The following CCDC85C variants were observed in gnomAD, a reference collection of about 807,000 sequenced individuals.
CCDC85C encodes the protein coiled-coil domain-containing protein 85C.
A neutral mutation model predicts 38.3 loss-of-function variants in CCDC85C; 18 were observed. That is an observed-to-expected ratio of 0.47 (90% CI 0.33 to 0.70). The LOEUF is 0.70. Among genes scored for constraint, CCDC85C ranks in the 30% least tolerant of loss-of-function variants. The probability of loss-of-function intolerance (pLI) is 0.03; values close to 1 mark genes in which losing one functional copy is unlikely to be tolerated. For synonymous variants in CCDC85C, 264 were observed against 293.8 expected (o/e 0.90, Z 1.04); for missense variants, 566 against 621.2 (o/e 0.91, Z 0.94).
chr14:99,574,171 T>C (rs1898420057), intron 1 of CCDC85C, among the ~76,000 whole-genome samples: 1 of 152,182 alleles, frequency 6.6e-6, no homozygotes, highest in Non-Finnish European at 1.5e-5. Flanking sequence ...GACCATGTGC[T>C]GCAAGCTGCC....
At chr14:99,542,514 C>G (rs931277338) in intron 1 of CCDC85C, among the ~76,000 whole-genome samples, 6 of 152,214 alleles carry the variant, frequency 3.9e-5, no homozygotes, top group African/African-American at 1.4e-4. Flanking sequence ...CAGGCCCCCC[C>G]AGTTTACAGA....
Position 99,509,979 on chromosome 14 carries a change from T to A in CCDC85C, c.*5267A>T. On this transcript the variant is annotated 3_prime_UTR_variant, in exon 6 of 6. Transcript: ENST00000380243. The stretch of plus-strand genomic sequence containing the variant: ...CAGGGTGGAGGGCCTTCTTGACAGA[T>A]GGTGGGGAGACATCTGGTGGCATCA... 1.6e-6 allele frequency: 1 copy of A among 643,210 alleles called. No individual in the cohort carries two copies. The allele number at this position is 643,210 out of a possible 1,614,324, so 39.8% of individuals were successfully genotyped here. A position where few individuals can be genotyped will look rare whatever the true frequency, so the allele number is the denominator to read the frequency against.
chr14:99,577,995 TGTGTGA>T, intron 1 of CCDC85C, among the ~76,000 whole-genome samples: 1 of 145,168 alleles, frequency 6.9e-6, no homozygotes. Flanking sequence ...TGTGTTTGTG[TGTGTGA>T]GTGTACACCT....
At position 99,535,400 on chromosome 14, in the gene CCDC85C, C is replaced by T. The variant is rs934692604; in HGVS notation, c.867+615G>A. On this transcript the variant is annotated intron_variant, in intron 2 of 5. Coordinates refer to ENST00000380243, the MANE Select transcript of CCDC85C (RefSeq NM_001144995.2). This position sits in a 1 kb window ranked among gnomAD's most constrained non-coding sequence, Gnocchi z 5.5. ...CATAGCCTCCTCTCGGCAGCCCCCA[C>T]GCCTGCCCCACCTGCAGCAGGGAAA... Among the ~76,000 whole-genome samples, 11 of 152,170 alleles carry T rather than the reference C, an allele frequency of 7.2e-5. No individual in the cohort carries two copies. The highest frequency in any genetic ancestry group is 2.7e-4 in the African/African-American group (11 of 41,434).
chr14:99,581,258 G>A (rs572309140), intron 1 of CCDC85C, among the ~76,000 whole-genome samples: 1 of 152,342 alleles, frequency 6.6e-6, no homozygotes, highest in Admixed American at 6.5e-5. Context: ...ACCTGGGCAA[G>A]GCAGGATGGA....
intron 1 of CCDC85C, among the ~76,000 whole-genome samples, chr14:99,600,630 G>A (rs1415785636): frequency 6.6e-6 from 1 of 152,214 alleles, no homozygotes; most frequent in Admixed American, 6.5e-5. Context: ...TACTTCCAAT[G>A]TCAGCCACCT....
intron 1 of CCDC85C, among the ~76,000 whole-genome samples, chr14:99,598,535 C>T (rs1274330721): frequency 6.6e-5 from 10 of 152,186 alleles, no homozygotes; most frequent in Non-Finnish European, 1.3e-4. Context: ...GCACCGCCTT[C>T]CCCCACTCCT....
chr14:99,565,641 G>A (rs1898201456), intron 1 of CCDC85C, among the ~76,000 whole-genome samples: 2 of 152,306 alleles, frequency 1.3e-5, no homozygotes, highest in South Asian at 2.1e-4. Flanking sequence ...ATGGGCAGCC[G>A]GGAAGAGCTG....
chr14:99,528,434 G>A lies in CCDC85C; in HGVS notation c.868-6194C>T, dbSNP rs147144415. 2.4e-4 allele frequency among the ~76,000 whole-genome samples: 37 copies of A among 152,306 alleles called. No homozygotes were observed. The East Asian group carries it at 3.3e-3, about 14-fold the overall frequency. ...GCCAAGGCGACTCCAGGAGCTCCAC[G>A]TCTTCAGAAACTCCAGATTCACAAG... On this transcript the variant is annotated intron_variant, in intron 2 of 5. Transcript: ENST00000380243.
rs1897021438 is a variant in CCDC85C at position 99,508,101 on chromosome 14, A to C, written c.*7145T>G. On this transcript the variant is annotated 3_prime_UTR_variant, in exon 6 of 6. Coordinates refer to ENST00000380243, the MANE Select transcript of CCDC85C (RefSeq NM_001144995.2). ...GCACGTGGCTCACACTGGGGCTGAC[A>C]GCACTGTGTGCCCGTAACAGATGTG... 1 of 152,278 alleles carries C rather than the reference A, an allele frequency of 6.6e-6. No individual in the cohort carries two copies. Among genetic ancestry groups the C allele is most frequent in the East Asian group, 1.9e-4 (1 of 5,202 alleles). The allele number at this position is 152,278 out of a possible 1,614,324, so 9.4% of individuals were successfully genotyped here. A position where few individuals can be genotyped will look rare whatever the true frequency, so the allele number is the denominator to read the frequency against.
At position 99,576,261 on chromosome 14, in the gene CCDC85C, C is replaced by G. The variant is rs912425212; in HGVS notation, c.793+26906G>C. 5.9e-5 allele frequency among the ~76,000 whole-genome samples: 9 copies of G among 152,198 alleles called. No homozygotes were observed. The highest frequency in any genetic ancestry group is 1.2e-4 in the Non-Finnish European group (8 of 68,038). Reference sequence around the variant, plus strand: ...CATGGCTGCTTTGCACACAGGCCTCCCGAAGCCCACCCTCTGACCCCATCT... The same window carrying G: ...CATGGCTGCTTTGCACACAGGCCTCGCGAAGCCCACCCTCTGACCCCATCT... On this transcript the variant is annotated intron_variant, in intron 1 of 5. Coordinates refer to ENST00000380243, the MANE Select transcript of CCDC85C (RefSeq NM_001144995.2). This position sits in a 1 kb window ranked among gnomAD's most constrained non-coding sequence, Gnocchi z 4.8.
At chr14:99,521,343 G>A (rs948542225) in intron 3 of CCDC85C, among the ~76,000 whole-genome samples, 3 of 152,218 alleles carry the variant, frequency 2.0e-5, no homozygotes, top group Non-Finnish European at 2.9e-5. Context: ...AAGAGAAATC[G>A]CAGAGCCAGC....
chr14:99,601,061 T>C (rs2055193424), intron 1 of CCDC85C, among the ~76,000 whole-genome samples: 1 of 152,156 alleles, frequency 6.6e-6, no homozygotes, highest in African/African-American at 2.4e-5. Flanking sequence ...ACAGCTCAGT[T>C]TCTAAGAGAA....
chr14:99,547,541 A>C (rs917731011), intron 1 of CCDC85C, among the ~76,000 whole-genome samples: 1 of 152,186 alleles, frequency 6.6e-6, no homozygotes, highest in African/African-American at 2.4e-5. Flanking sequence ...TGAGAGGCTG[A>C]GGCGGGCAGA....
rs1237030694 is a variant in CCDC85C at position 99,507,975 on chromosome 14, GA to G, written c.*7270del. The G allele has an allele frequency of 2.0e-5, 3 of 152,366 alleles. No individual in the cohort carries two copies. Among genetic ancestry groups the G allele is most frequent in the African/African-American group, 4.8e-5 (2 of 41,576 alleles). 9.4% of individuals were successfully genotyped at this position (152,366 alleles called of 1,614,324 possible). A position where few individuals can be genotyped will look rare whatever the true frequency, so the allele number is the denominator to read the frequency against. On this transcript the variant is annotated 3_prime_UTR_variant, in exon 6 of 6. Coordinates refer to ENST00000380243, the MANE Select transcript of CCDC85C (RefSeq NM_001144995.2). Reference sequence around the variant, plus strand: ...GAAGGTGATGCGCTAGAGAAGGCCAGAGTGACCTGTGCTTGCTCTCCAAAAG... The same window carrying G: ...GAAGGTGATGCGCTAGAGAAGGCCAGGTGACCTGTGCTTGCTCTCCAAAAG...
chr14:99,507,125 G>A lies in CCDC85C; in HGVS notation c.*8121C>T, dbSNP rs945621192. ...AAATTGAGACCACTCATCCACCGTT[G>A]CCTCCAGCCCACCCACCTCCAGGTA... On this transcript the variant is annotated 3_prime_UTR_variant, in exon 6 of 6. Transcript: ENST00000380243. The A allele has an allele frequency of 6.2e-7, 1 of 1,610,714 alleles. No individual in the cohort carries two copies. The highest frequency in any genetic ancestry group is 8.5e-7 in the Non-Finnish European group (1 of 1,177,046).
At chr14:99,584,385 T>C (rs1410599866) in intron 1 of CCDC85C, among the ~76,000 whole-genome samples, 2 of 152,124 alleles carry the variant, frequency 1.3e-5, no homozygotes, top group African/African-American at 2.4e-5. Flanking sequence ...CCAGGTGAGA[T>C]AGCAGCTGGG....
At chr14:99,557,543 G>A (rs1292566634) in intron 1 of CCDC85C, among the ~76,000 whole-genome samples, 2 of 152,222 alleles carry the variant, frequency 1.3e-5, no homozygotes, top group Non-Finnish European at 2.9e-5. Flanking sequence ...GCTGCATCTG[G>A]CTCTTCACCA....
Position 99,518,124 on chromosome 14 carries a change from G to C in CCDC85C, c.976-941C>G, listed in dbSNP as rs544838980. Among the ~76,000 whole-genome samples the C allele has an allele frequency of 2.0e-5, 3 of 152,280 alleles. No individual in the cohort carries two copies. In the East Asian group the frequency reaches 5.8e-4, roughly 30 times the overall value. On this transcript the variant is annotated intron_variant, in intron 3 of 5. Transcript: ENST00000380243. ...CCCAACGGCCTGGCAAGCTCAGGGA[G>C]CTGGGCTGGAATCCCACCCACCCAG...
Sources: allele counts gnomAD v4.1 joint callset (sites outside exome capture counted in the v4.1 genomes callset), GRCh38; gene constraint gnomAD v4.1.1; non-coding constraint Gnocchi (gnomAD v3.1); transcripts MANE v1.5; gene names NCBI Gene and HGNC (gene_info 2026-07-23, HGNC 2026-07-21).